The following C1QTNF3 variants were observed in gnomAD, a reference collection of about 807,000 sequenced individuals.
C1QTNF3 encodes the protein C1q and TNF related 3.
Under a neutral mutation model 32.6 loss-of-function variants are expected in C1QTNF3, and 26 were observed. That is an observed-to-expected ratio of 0.80 (90% CI 0.58 to 1.11). The LOEUF is 1.11. Ranked by LOEUF, C1QTNF3 falls within the 50% of genes least tolerant of loss-of-function variation. The pLI is 0.00. For missense variants in C1QTNF3, 362 were observed against 398.2 expected, an observed-to-expected ratio of 0.91 and a Z score of 0.77; for synonymous variants, 155 against 146.0, an observed-to-expected ratio of 1.06 and a Z score of -0.44.
chr5:34,033,394 G>A lies in C1QTNF3; in HGVS notation c.480C>T (p.Gly160=), dbSNP rs147942281. The A allele has an allele frequency of 2.5e-5, 40 of 1,613,898 alleles. No homozygotes were observed. Among genetic ancestry groups the A allele is most frequent in the African/African-American group, 8.0e-5 (6 of 74,904 alleles). ...CTCGAGGCCCCAGGTCACCTTTGTC[G>A]CCCTTCTCACCTTTGGCTCCTTCAT... ...TGHEGAKGEK[G]DKGDLGPRGE... Residue 160 remains glycine, a synonymous_variant, in exon 3 of 6, where the codon GGC becomes GGT. Coordinates refer to ENST00000382065, the MANE Select transcript of C1QTNF3 (RefSeq NM_181435.6).
the C1QTNF3 span, among the ~76,000 whole-genome samples, chr5:34,064,980 C>T: frequency 6.6e-6 from 1 of 151,624 alleles, no homozygotes; most frequent in Non-Finnish European, 1.5e-5. Flanking sequence ...TTGAATTGGT[C>T]TTGGCGAAGA....
chr5:34,072,706 A>G, the C1QTNF3 span, among the ~76,000 whole-genome samples: 1 of 152,216 alleles, frequency 6.6e-6, no homozygotes, highest in African/African-American at 2.4e-5. Context: ...TTTCAATATC[A>G]AATGTACAAG....
At chr5:34,044,114 G>T (rs899883069), upstream of C1QTNF3, among the ~76,000 whole-genome samples, 1 of 152,004 alleles carries the variant, frequency 6.6e-6, no homozygotes, top group African/African-American at 2.4e-5. Context: ...GAAGTGGAAA[G>T]CACCAAACAC....
At chr5:34,170,938 C>A in the C1QTNF3 span, among the ~76,000 whole-genome samples, 59 of 152,124 alleles carry the variant, frequency 3.9e-4, no homozygotes, top group Non-Finnish European at 7.2e-4. Flanking sequence ...CCAACTATCC[C>A]AGAGATTGAG....
In C1QTNF3 at chr5:34,020,750, GA is replaced by G. The variant is rs1561052614; in HGVS notation, c.801-9del. On this transcript the variant is annotated splice_polypyrimidine_tract_variant and intron_variant, in intron 5 of 5. Coordinates refer to ENST00000382065, the MANE Select transcript of C1QTNF3 (RefSeq NM_181435.6). ...TTGCCCTTCATTTCATAGCTGGAAA[GA>G]AAAAGAGGAACAAACTACTTAGTTT... The G allele has an allele frequency of 6.2e-7, 1 of 1,606,498 alleles. No individual in the cohort carries two copies. The highest frequency in any genetic ancestry group is 8.5e-7 in the Non-Finnish European group (1 of 1,175,776).
At position 34,019,569 on chromosome 5, in the gene C1QTNF3, G is replaced by A. The variant is rs540918270; in HGVS notation, c.*1014C>T. ...TTTTCTGAAGTCATATGACCCTGCT[G>A]TGTGCCCAAGTCACCTATTCACATG... On this transcript the variant is annotated 3_prime_UTR_variant, in exon 6 of 6. Coordinates refer to ENST00000382065, the MANE Select transcript of C1QTNF3 (RefSeq NM_181435.6). 1.3e-5 allele frequency: 2 copies of A among 152,340 alleles called. No individual in the cohort carries two copies. The highest frequency in any genetic ancestry group is 2.4e-5 in the African/African-American group (1 of 41,590). 9.4% of individuals were successfully genotyped at this position (152,340 alleles called of 1,614,324 possible).
chr5:34,242,442 A>C, the C1QTNF3 span, among the ~76,000 whole-genome samples: 1 of 152,214 alleles, frequency 6.6e-6, no homozygotes. Context: ...TGGTGCTGGG[A>C]TAATTCGCTA....
chr5:34,122,418 A>ACT, the C1QTNF3 span, among the ~76,000 whole-genome samples: 1 of 152,138 alleles, frequency 6.6e-6, no homozygotes, highest in Admixed American at 6.5e-5. Flanking sequence ...AGAAAAGGTC[A>ACT]CTCTCTTAAT....
At chr5:34,164,966 A>G in the C1QTNF3 span, 11 of 152,006 alleles carry the variant, frequency 7.2e-5, no homozygotes, top group Admixed American at 1.3e-4. Flanking sequence ...CACAGTTAAA[A>G]TTATAGTTAA....
the C1QTNF3 span, among the ~76,000 whole-genome samples, chr5:34,107,069 C>T: frequency 2.6e-5 from 2 of 76,486 alleles, no homozygotes; most frequent in Admixed American, 2.4e-4. Flanking sequence ...CATTCATTTT[C>T]ACAGGAGTTG....
the C1QTNF3 span, among the ~76,000 whole-genome samples, chr5:34,127,021 C>A: frequency 6.6e-6 from 1 of 152,192 alleles, no homozygotes; most frequent in African/African-American, 2.4e-5. Flanking sequence ...TCACTATGTA[C>A]CTTGCTTTCT....
chr5:34,172,641 T>C, the C1QTNF3 span, among the ~76,000 whole-genome samples: 1 of 152,196 alleles, frequency 6.6e-6, no homozygotes, highest in African/African-American at 2.4e-5. Flanking sequence ...CCAATGCATG[T>C]AAATTCCTTA....
chr5:34,178,135 G>C, the C1QTNF3 span, among the ~76,000 whole-genome samples: 1 of 145,378 alleles, frequency 6.9e-6, no homozygotes, highest in East Asian at 2.0e-4. Context: ...AAAAAAATTA[G>C]GTGAGCATGG....
the C1QTNF3 span, among the ~76,000 whole-genome samples, chr5:34,178,104 TAA>T: frequency 0.47 from 35,681 of 75,278 alleles, 7,858 homozygotes; most frequent in Non-Finnish European, 0.57. Context: ...TCATCTCTAC[TAA>T]AAAAAAAAAA....
the C1QTNF3 span, among the ~76,000 whole-genome samples, chr5:34,217,107 T>C: frequency 2.0e-5 from 3 of 152,252 alleles, no homozygotes; most frequent in South Asian, 2.1e-4. Flanking sequence ...CCAAAAAGAA[T>C]TGATTATCAT....
chr5:34,216,590 T>A, the C1QTNF3 span, among the ~76,000 whole-genome samples: 1 of 152,202 alleles, frequency 6.6e-6, no homozygotes, highest in East Asian at 1.9e-4. Flanking sequence ...TACACATATT[T>A]AACAAATCAA....
the C1QTNF3 span, among the ~76,000 whole-genome samples, chr5:34,081,546 T>C: frequency 1.3e-5 from 2 of 151,346 alleles, no homozygotes; most frequent in South Asian, 4.1e-4. Context: ...AAAATTTGAA[T>C]CAACAGAGAA....
At chr5:34,070,185 C>G in the C1QTNF3 span, among the ~76,000 whole-genome samples, 2 of 152,156 alleles carry the variant, frequency 1.3e-5, no homozygotes, top group Non-Finnish European at 2.9e-5. Flanking sequence ...CTCACTTGCA[C>G]TCATTTCTTC....
At chr5:34,211,525 A>G in the C1QTNF3 span, among the ~76,000 whole-genome samples, 10 of 143,610 alleles carry the variant, frequency 7.0e-5, no homozygotes, top group South Asian at 2.5e-4. Flanking sequence ...ATATCTCCCA[A>G]TGCTATCCCT....
Sources: gnomAD v4.1 joint callset for allele counts (sites outside exome capture counted in the v4.1 genomes callset) on GRCh38, gnomAD v4.1.1 for gene constraint, MANE v1.5 for transcripts, NCBI Gene and HGNC (gene_info 2026-07-23, HGNC 2026-07-21) for gene names.